The following TMEM258 variants were observed in gnomAD, a reference collection of about 807,000 sequenced individuals.
TMEM258 encodes the protein dolichyl-diphosphooligosaccharide--protein glycosyltransferase subunit TMEM258.
A neutral mutation model predicts 9.9 loss-of-function variants in TMEM258; 11 were observed. The observed-to-expected ratio is 1.11, with a 90% CI of 0.70 to 1.85. The LOEUF (loss-of-function observed/expected upper bound fraction) is 1.85, where lower values mean the gene tolerates loss of function less well. TMEM258 is among the 40% of genes most tolerant of loss of function. The pLI is 0.00. For missense variants in TMEM258, 81 were observed against 99.7 expected (o/e 0.81, Z 0.80); for synonymous variants, 40 against 39.1 (o/e 1.02, Z -0.09).
chr11:61,791,288 C>T (rs1386495709), intron 1 of TMEM258, among the ~76,000 whole-genome samples: 1 of 151,436 alleles, frequency 6.6e-6, no homozygotes, highest in Admixed American at 6.6e-5. Context: ...CAGTCTTGCT[C>T]TATCGCCCAG....
intron 2 of TMEM258, 146 bp downstream of exon 2, chr11:61,790,347 G>C: frequency 2.8e-6 from 2 of 726,978 alleles, no homozygotes; most frequent in Non-Finnish European, 4.7e-6. Flanking sequence ...CTGCCCCTGG[G>C]CATCACTAGC....
chr11:61,792,260 C>A, intron 1 of TMEM258: 1 of 473,350 alleles, frequency 2.1e-6, no homozygotes, highest in South Asian at 2.2e-5. Context: ...AGGATGGGCA[C>A]GGGTTCGGCA....
At chr11:61,789,579 G>T in intron 3 of TMEM258, 1 of 568,158 alleles carries the variant, frequency 1.8e-6, no homozygotes, top group Non-Finnish European at 3.0e-6. Context: ...GCTCAGAACT[G>T]AGAGTCACAT....
chr11:61,790,464 G>A, intron 2 of TMEM258, 29 bp downstream of exon 2: 1 of 1,595,704 alleles, frequency 6.3e-7, no homozygotes, highest in South Asian at 1.1e-5. Context: ...CACTAATGCT[G>A]GTCCTCTGGC....
At chr11:61,790,298 A>T in intron 2 of TMEM258, 195 bp downstream of exon 2, 1 of 620,362 alleles carries the variant, frequency 1.6e-6, no homozygotes, top group East Asian at 2.8e-5. Flanking sequence ...TCCAAAGAAC[A>T]AACTGAGCTC....
At position 61,789,925 on chromosome 11, in the gene TMEM258, GGCACA is replaced by G; in HGVS notation, c.114-9_114-5del. 6.2e-7 allele frequency: 1 copy of G among 1,612,448 alleles called. No homozygotes were observed. On this transcript the variant is annotated splice_polypyrimidine_tract_variant and splice_region_variant and intron_variant, in intron 2 of 3. Coordinates refer to ENST00000537328, the MANE Select transcript of TMEM258 (RefSeq NM_014206.4). Reference sequence around the variant, plus strand: ...CTTGGTAGAGGTGACCTCGTAACTGGGCACAGCAGTTAAGGCAAAGCGAAGGGGTG... The same window carrying G: ...CTTGGTAGAGGTGACCTCGTAACTGGGCAGTTAAGGCAAAGCGAAGGGGTG...
At chr11:61,789,396 G>A (rs1408681580) in intron 3 of TMEM258, among the ~76,000 whole-genome samples, 161 bp from the exon 4 acceptor site, 1 of 152,186 alleles carries the variant, frequency 6.6e-6, no homozygotes, top group Admixed American at 6.5e-5. Flanking sequence ...ATTGTCTGCA[G>A]CAAGTTTTAA....
Position 61,789,945 on chromosome 11 carries a change from G to A in TMEM258, c.114-24C>T, listed in dbSNP as rs769542011. ...AACTGGGCACAGCAGTTAAGGCAAA[G>A]CGAAGGGGTGGACTGTGGAGTGCAG... On this transcript the variant is annotated intron_variant, in intron 2 of 3. Coordinates refer to ENST00000537328, the MANE Select transcript of TMEM258 (RefSeq NM_014206.4). 24 of 1,608,282 alleles carry A rather than the reference G, an allele frequency of 1.5e-5. No individual in the cohort carries two copies. In the Admixed American group the frequency reaches 4.0e-4, roughly 27 times the overall value.
Position 61,789,800 on chromosome 11 carries a change from C to A in TMEM258, c.235G>T (p.Val79Leu). ...LFLLLWVGIYV is the reference protein window; with the variant it reads ...LFLLLWVGIYL The stretch of plus-strand genomic sequence containing the variant: ...CAGCTCTTACCCTTGGGTGCTCACA[C>A]GTAGATGCCAACCCAGAGCAGCAGG... Residue 79 changes from valine (V) to leucine (L), a missense_variant, in exon 3 of 4, where the codon GTG (valine) becomes TTG (leucine). Coordinates refer to ENST00000537328, the MANE Select transcript of TMEM258 (RefSeq NM_014206.4). 1 of 1,612,230 alleles carries A rather than the reference C, an allele frequency of 6.2e-7. No homozygotes were observed. The highest frequency in any genetic ancestry group is 1.3e-5 in the African/African-American group (1 of 74,974).
rs555505074 is a variant in TMEM258, at chr11:61,790,004, C to T, written c.114-83G>A. 2.5e-5 allele frequency: 38 copies of T among 1,514,542 alleles called. 1 individual carries two copies. In the Admixed American group the frequency reaches 7.3e-4, roughly 29 times the overall value. 93.8% of individuals were successfully genotyped at this position (1,514,542 alleles called of 1,614,324 possible). ...GCCCACGGCAATCTGAGGAGAAAAG[C>T]ATTGGCTCAATGCCTTCTGGGAGGC... On this transcript the variant is annotated intron_variant, in intron 2 of 3. Transcript: ENST00000537328.
chr11:61,789,970 G>C (rs1231873235), intron 2 of TMEM258, 49 bp from the exon 3 acceptor site: 1 of 1,588,952 alleles, frequency 6.3e-7, no homozygotes, highest in East Asian at 2.2e-5. Context: ...GTGGAGTGCA[G>C]AGAGCCCAGC....
Position 61,790,437 on chromosome 11 carries a change from C to T in TMEM258, c.113+56G>A, listed in dbSNP as rs780833178. 5.2e-6 allele frequency: 8 copies of T among 1,530,972 alleles called. No individual in the cohort carries two copies. In the South Asian group the frequency reaches 9.3e-5, roughly 18 times the overall value. 94.8% of individuals were successfully genotyped at this position (1,530,972 alleles called of 1,614,324 possible). The stretch of plus-strand genomic sequence containing the variant: ...GGTCCATGTACCTAGCGTGGTTTCT[C>T]CCTGAGCTTCCCACATCACTAATGC... On this transcript the variant is annotated intron_variant, in intron 2 of 3. Transcript: ENST00000537328.
In TMEM258 at chr11:61,790,073, CT is replaced by C. The variant is rs541469922; in HGVS notation, c.114-153del. Reference sequence around the variant, plus strand: ...CCAGGCAGAGGGGCCTAAGAGATGCCTTGGACTCTGGTGCTCCACTGCCATG... The same window carrying C: ...CCAGGCAGAGGGGCCTAAGAGATGCCTGGACTCTGGTGCTCCACTGCCATG... On this transcript the variant is annotated intron_variant, in intron 2 of 3. Transcript: ENST00000537328. 9 of 927,614 alleles carry C rather than the reference CT, an allele frequency of 9.7e-6. No individual in the cohort carries two copies. The South Asian group carries it at 1.6e-4, about 17-fold the overall frequency. 57.5% of individuals were successfully genotyped at this position (927,614 alleles called of 1,614,324 possible). A position where few individuals can be genotyped will look rare whatever the true frequency, so the allele number is the denominator to read the frequency against.
intron 2 of TMEM258, 142 bp downstream of exon 2, chr11:61,790,351 C>G: frequency 1.3e-6 from 1 of 756,696 alleles, no homozygotes; most frequent in Non-Finnish European, 2.2e-6. Context: ...CCCTGGGCAT[C>G]ACTAGCCCTC....
intron 3 of TMEM258, among the ~76,000 whole-genome samples, chr11:61,789,534 A>G (rs1009538546): frequency 6.6e-6 from 1 of 152,258 alleles, no homozygotes; most frequent in Admixed American, 6.5e-5. Context: ...TAGGTGGTAC[A>G]TCCCAAAGGC....
chr11:61,790,268 C>T, intron 2 of TMEM258: 1 of 595,418 alleles, frequency 1.7e-6, no homozygotes, highest in East Asian at 2.8e-5. Context: ...AGCCAGGTCC[C>T]CTGCTCACTG....
At chr11:61,790,748 T>A (rs2066778164) in intron 1 of TMEM258, 146 bp from the exon 2 acceptor site, 2 of 646,946 alleles carry the variant, frequency 3.1e-6, no homozygotes, top group South Asian at 4.0e-5. Context: ...ATGGCCCTTA[T>A]TAGCATTTTC....
intron 1 of TMEM258, among the ~76,000 whole-genome samples, chr11:61,790,815 T>C (rs2066778745): frequency 6.6e-6 from 1 of 152,176 alleles, no homozygotes; most frequent in East Asian, 1.9e-4. Flanking sequence ...ACTCTCTGCC[T>C]GAGAAAAACC....
At chr11:61,791,106 C>T (rs536412208) in intron 1 of TMEM258, among the ~76,000 whole-genome samples, 86 of 152,126 alleles carry the variant, frequency 5.7e-4, no homozygotes, top group African/African-American at 2.0e-3. Flanking sequence ...ATTACAGGTG[C>T]GCACCACCAC....
Sources: allele counts gnomAD v4.1 joint callset (sites outside exome capture counted in the v4.1 genomes callset), GRCh38; gene constraint gnomAD v4.1.1; transcripts MANE v1.5; gene names NCBI Gene and HGNC (gene_info 2026-07-23, HGNC 2026-07-21).